The following PRKCE variants were observed in gnomAD, a reference collection of about 807,000 sequenced individuals.
The protein encoded by PRKCE is protein kinase C epsilon type.
Under a neutral mutation model 85.4 loss-of-function variants are expected in PRKCE, and 16 were observed. That is an observed-to-expected ratio of 0.19 (90% confidence interval 0.13 to 0.28). The LOEUF is 0.28. Ranked by LOEUF, PRKCE falls within the 10% of genes least tolerant of loss-of-function variation. The pLI, the probability that PRKCE is intolerant of heterozygous loss-of-function variation, is 1.00. For missense variants in PRKCE, 573 were observed against 975.2 expected, an observed-to-expected ratio of 0.59 and a Z score of 5.49; for synonymous variants, 388 against 371.5, an observed-to-expected ratio of 1.04 and a Z score of -0.51.
Position 45,797,650 on chromosome 2 carries a change from G to C in PRKCE, c.349-45350G>C, listed in dbSNP as rs114442560. 3.8e-3 allele frequency among the ~76,000 whole-genome samples: 572 copies of C among 152,306 alleles called. 5 individuals are homozygous for C. The highest frequency in any genetic ancestry group is 0.013 in the African/African-American group (551 of 41,558). ...AAACTGACCTGTCTTTGGTTGGGGC[G>C]GTCTCTGCTGTTGGGGCAACAGCAC... On this transcript the variant is annotated intron_variant, in intron 1 of 14. Transcript: ENST00000306156.
chr2:45,862,418 C>A (rs549928360), intron 2 of PRKCE, among the ~76,000 whole-genome samples: 1 of 152,230 alleles, frequency 6.6e-6, no homozygotes, highest in Non-Finnish European at 1.5e-5. Context: ...CCTGGTCATA[C>A]CACCTAGTGG....
chr2:45,853,091 A>G (rs114904212), intron 2 of PRKCE, among the ~76,000 whole-genome samples: 92 of 152,284 alleles, frequency 6.0e-4, no homozygotes, highest in Non-Finnish European at 4.1e-4. Context: ...TTCTTTCTCG[A>G]GTCCCGATCA....
At chr2:45,668,129 T>C (rs1572891575) in intron 1 of PRKCE, among the ~76,000 whole-genome samples, 1 of 152,114 alleles carries the variant, frequency 6.6e-6, no homozygotes, top group African/African-American at 2.4e-5. Flanking sequence ...TCACTTGAGG[T>C]CAGGAGTTCG....
intron 11 of PRKCE, among the ~76,000 whole-genome samples, chr2:46,132,991 C>G (rs1255892903): frequency 1.3e-5 from 2 of 152,136 alleles, no homozygotes; most frequent in Non-Finnish European, 2.9e-5. Flanking sequence ...TTCCTCAGCT[C>G]TTTATCTGGG....
At chr2:46,164,935 G>A (rs1028625779) in intron 14 of PRKCE, 1 of 152,254 alleles carries the variant, frequency 6.6e-6, no homozygotes, top group Non-Finnish European at 1.5e-5. Context: ...TCACCAAGGA[G>A]ATTGTCCAGA....
intron 1 of PRKCE, among the ~76,000 whole-genome samples, chr2:45,738,827 A>G (rs1025885462): frequency 6.6e-6 from 1 of 152,272 alleles, no homozygotes; most frequent in Non-Finnish European, 1.5e-5. Context: ...ACTGAAATAG[A>G]TGAATTTTAA....
intron 2 of PRKCE, among the ~76,000 whole-genome samples, chr2:45,862,514 C>T (rs571328192): frequency 2.7e-3 from 411 of 152,334 alleles, no homozygotes; most frequent in Non-Finnish European, 3.9e-3. Flanking sequence ...GTACTGTGTA[C>T]AAGAATGCAT....
At chr2:45,986,135 T>G (rs886896056) in intron 6 of PRKCE, among the ~76,000 whole-genome samples, 2 of 152,198 alleles carry the variant, frequency 1.3e-5, no homozygotes, top group African/African-American at 2.4e-5. Context: ...GAGTAGATAA[T>G]TTTTAACAGT....
chr2:45,737,713 C>T (rs924734305), intron 1 of PRKCE, among the ~76,000 whole-genome samples: 3 of 152,066 alleles, frequency 2.0e-5, no homozygotes, highest in Non-Finnish European at 1.5e-5. Flanking sequence ...TGTCCCCTTG[C>T]CCTCAGGTGT....
At chr2:46,100,745 A>G (rs1161093966) in intron 11 of PRKCE, among the ~76,000 whole-genome samples, 3 of 152,266 alleles carry the variant, frequency 2.0e-5, no homozygotes, top group African/African-American at 7.2e-5. Context: ...ACAGACAACG[A>G]GTAAGTCATT....
intron 2 of PRKCE, among the ~76,000 whole-genome samples, chr2:45,927,349 C>T (rs1394217493): frequency 1.3e-5 from 2 of 152,196 alleles, no homozygotes; most frequent in African/African-American, 4.8e-5. Context: ...ATGTGCCAGG[C>T]TCTGTGCTAA....
chr2:45,754,564 C>T (rs1683847883), intron 1 of PRKCE, among the ~76,000 whole-genome samples: 1 of 152,196 alleles, frequency 6.6e-6, no homozygotes, highest in South Asian at 2.1e-4. Context: ...CCTCCACACA[C>T]CTAGTCCACT....
At chr2:45,655,047 C>T (rs1273832446) in intron 1 of PRKCE, among the ~76,000 whole-genome samples, 1 of 152,158 alleles carries the variant, frequency 6.6e-6, no homozygotes, top group African/African-American at 2.4e-5. Context: ...ATAAAGCAGC[C>T]GTTTCTCTCA....
chr2:46,022,610 T>C (rs1468319195), intron 10 of PRKCE, among the ~76,000 whole-genome samples: 5 of 152,250 alleles, frequency 3.3e-5, no homozygotes, highest in African/African-American at 7.2e-5. Flanking sequence ...AAAGCCTCTG[T>C]GTTCACAAGG....
Position 45,787,120 on chromosome 2 carries a change from G to A in PRKCE, c.349-55880G>A, listed in dbSNP as rs74452793. Among the ~76,000 whole-genome samples the A allele has an allele frequency of 4.3e-3, 656 of 152,316 alleles. 5 individuals are homozygous for A. Among genetic ancestry groups the A allele is most frequent in the African/African-American group, 0.015 (621 of 41,554 alleles). The stretch of plus-strand genomic sequence containing the variant: ...CTACACTTGGCCATTTGGAAGTGAG[G>A]TGTCCCCCCAAGCTGGGAGGAGCGT... On this transcript the variant is annotated intron_variant, in intron 1 of 14. Coordinates refer to ENST00000306156, the MANE Select transcript of PRKCE (RefSeq NM_005400.3).
intron 2 of PRKCE, among the ~76,000 whole-genome samples, chr2:45,852,454 C>T (rs531911644): frequency 1.4e-4 from 21 of 152,332 alleles, no homozygotes; most frequent in Admixed American, 3.3e-4. Flanking sequence ...ATTCATTCAA[C>T]AGATGTAAAC....
intron 1 of PRKCE, among the ~76,000 whole-genome samples, chr2:45,716,460 A>G (rs1680094299): frequency 6.6e-6 from 1 of 152,062 alleles, no homozygotes; most frequent in East Asian, 1.9e-4. Context: ...GAAGTTGCAG[A>G]GAGCCAACTT....
At chr2:46,015,843 C>A (rs2104835824) in intron 10 of PRKCE, among the ~76,000 whole-genome samples, 1 of 152,288 alleles carries the variant, frequency 6.6e-6, no homozygotes, top group African/African-American at 2.4e-5. Context: ...CTACCTGAGG[C>A]ACCACTACTA....
chr2:45,726,129 G>C (rs1681052299), intron 1 of PRKCE, among the ~76,000 whole-genome samples: 1 of 152,232 alleles, frequency 6.6e-6, no homozygotes, highest in Non-Finnish European at 1.5e-5. Flanking sequence ...GGTTTCTTGA[G>C]ATAGAATCTA....
Sources: allele counts gnomAD v4.1 joint callset (sites outside exome capture counted in the v4.1 genomes callset), GRCh38; gene constraint gnomAD v4.1.1; transcripts MANE v1.5; gene names NCBI Gene and HGNC (gene_info 2026-07-23, HGNC 2026-07-21).